STIMATE: variants seen among roughly 807,000 people sequenced by gnomAD.
STIMATE encodes store-operated calcium entry regulator STIMATE.
STIMATE carries 15 observed loss-of-function variants against 36.7 expected under a neutral mutation model. The ratio of observed to expected loss-of-function variants is 0.41; its 90% confidence interval spans 0.27 to 0.63. STIMATE has a LOEUF of 0.63. STIMATE is among the 20% of genes least tolerant of loss of function. The pLI is 0.32. For missense variants in STIMATE, 305 were observed against 397.3 expected, an observed-to-expected ratio of 0.77 and a Z score of 1.98; for synonymous variants, 163 against 162.3, an observed-to-expected ratio of 1.00 and a Z score of -0.03.
chr3:52,882,419 G>A (rs1345610401), intron 1 of STIMATE, among the ~76,000 whole-genome samples: 2 of 152,228 alleles, frequency 1.3e-5, no homozygotes, highest in Non-Finnish European at 2.9e-5. Flanking sequence ...GATGGCTGGG[G>A]TCCATCATGG....
intron 1 of STIMATE, among the ~76,000 whole-genome samples, chr3:52,860,173 T>C (rs1002549932): frequency 6.6e-6 from 1 of 150,838 alleles, no homozygotes; most frequent in South Asian, 2.1e-4. Flanking sequence ...TCATATGTTA[T>C]TGAGGGGCCT....
At chr3:52,872,511 C>T (rs761418488) in intron 1 of STIMATE, among the ~76,000 whole-genome samples, 6 of 152,258 alleles carry the variant, frequency 3.9e-5, no homozygotes, top group Non-Finnish European at 7.3e-5. Flanking sequence ...GTACGCAAGA[C>T]TGTCAGAGGC....
intron 1 of STIMATE, among the ~76,000 whole-genome samples, chr3:52,871,568 G>C (rs1005130043): frequency 9.9e-5 from 15 of 152,248 alleles, no homozygotes; most frequent in African/African-American, 3.6e-4. Flanking sequence ...GAGGCTCAGA[G>C]CAGAAGCCTC....
At chr3:52,865,165 T>G (rs1467236732) in intron 1 of STIMATE, among the ~76,000 whole-genome samples, 5 of 152,216 alleles carry the variant, frequency 3.3e-5, no homozygotes, top group Non-Finnish European at 7.3e-5. Flanking sequence ...CAGGCTGGTC[T>G]TGAACTCCTG....
chr3:52,853,150 G>C (rs532813955), intron 2 of STIMATE, among the ~76,000 whole-genome samples: 2 of 152,226 alleles, frequency 1.3e-5, no homozygotes, highest in East Asian at 3.9e-4. Context: ...ATCAGGGTAG[G>C]CAAATTTTTT....
intron 7 of STIMATE, among the ~76,000 whole-genome samples, chr3:52,842,274 G>C (rs1020740338): frequency 3.3e-5 from 5 of 152,194 alleles, no homozygotes; most frequent in African/African-American, 1.2e-4. Context: ...CTGGCCTCAG[G>C]GCTGCTATTC....
At chr3:52,843,948 C>T (rs1348383928) in intron 5 of STIMATE, 150 bp from the exon 6 acceptor site, 1 of 1,008,688 alleles carries the variant, frequency 9.9e-7, no homozygotes, top group Admixed American at 2.7e-5. Flanking sequence ...GCCTAGGGTT[C>T]CCAGATGAGA....
intron 2 of STIMATE, among the ~76,000 whole-genome samples, chr3:52,854,725 C>A (rs1301278326): frequency 6.6e-6 from 1 of 152,144 alleles, no homozygotes; most frequent in Non-Finnish European, 1.5e-5. Flanking sequence ...AATGTGGATA[C>A]CCTGAGGACC....
intron 1 of STIMATE, among the ~76,000 whole-genome samples, chr3:52,887,267 C>A (rs1350169505): frequency 6.6e-6 from 1 of 152,220 alleles, no homozygotes; most frequent in Non-Finnish European, 1.5e-5. Flanking sequence ...ATAATCCCAG[C>A]CTCCTTCCAC....
chr3:52,864,102 C>T (rs1226930384), intron 1 of STIMATE, among the ~76,000 whole-genome samples: 1 of 152,240 alleles, frequency 6.6e-6, no homozygotes, highest in South Asian at 2.1e-4. Context: ...GGCGGTACCC[C>T]AGTGGGGACT....
chr3:52,858,576 C>T (rs1162975273), intron 1 of STIMATE, among the ~76,000 whole-genome samples: 4 of 152,092 alleles, frequency 2.6e-5, no homozygotes, highest in Non-Finnish European at 5.9e-5. Flanking sequence ...AGTGAGCTAT[C>T]GCATCACTGC....
chr3:52,853,415 T>C (rs1701043388), intron 2 of STIMATE, among the ~76,000 whole-genome samples: 1 of 152,222 alleles, frequency 6.6e-6, no homozygotes. Context: ...GGAGACAGCG[T>C]GTGCCTTCAG....
chr3:52,890,676 T>C (rs544304796), intron 1 of STIMATE, among the ~76,000 whole-genome samples: 3 of 152,380 alleles, frequency 2.0e-5, no homozygotes, highest in Non-Finnish European at 4.4e-5. Flanking sequence ...CAACTGCTTC[T>C]ATGCATACAC....
chr3:52,858,515 T>A (rs1243940931), intron 1 of STIMATE, among the ~76,000 whole-genome samples: 1 of 152,042 alleles, frequency 6.6e-6, no homozygotes, highest in Non-Finnish European at 1.5e-5. Context: ...TCCTAGCTAC[T>A]CGGGGAGGCT....
chr3:52,844,975 G>A, intron 4 of STIMATE, 34 bp from the exon 5 acceptor site: 1 of 1,607,364 alleles, frequency 6.2e-7, no homozygotes, highest in Non-Finnish European at 8.5e-7. Context: ...GTCACATGGG[G>A]CCCAGGCATC....
At chr3:52,865,433 G>A (rs1701289268) in intron 1 of STIMATE, among the ~76,000 whole-genome samples, 1 of 151,884 alleles carries the variant, frequency 6.6e-6, no homozygotes, top group Admixed American at 6.5e-5. Flanking sequence ...ATCCAAGACT[G>A]GGAAGAAAAA....
At chr3:52,878,062 C>T (rs1211464706) in intron 1 of STIMATE, among the ~76,000 whole-genome samples, 1 of 150,958 alleles carries the variant, frequency 6.6e-6, no homozygotes, top group Non-Finnish European at 1.5e-5. Context: ...CCACTGCACT[C>T]CAGCCTGGGC....
chr3:52,897,477 G>A lies in STIMATE; in HGVS notation c.-27C>T. ...ACAGGCCTCGCGGGAGGGGCGCGAG[G>A]GCCCAGGGCCCGCCCGGCCTCGCTG... On this transcript the variant is annotated 5_prime_UTR_variant, in exon 1 of 8. Coordinates refer to ENST00000355083, the MANE Select transcript of STIMATE (RefSeq NM_198563.5). The A allele has an allele frequency of 2.4e-6, 3 of 1,226,040 alleles. No individual in the cohort carries two copies. The highest frequency in any genetic ancestry group is 3.0e-6 in the Non-Finnish European group (3 of 985,066). 75.9% of individuals were successfully genotyped at this position (1,226,040 alleles called of 1,614,324 possible). A position where few individuals can be genotyped will look rare whatever the true frequency, so the allele number is the denominator to read the frequency against.
At chr3:52,873,570 CTG>C (rs1292111805) in intron 1 of STIMATE, among the ~76,000 whole-genome samples, 1 of 152,188 alleles carries the variant, frequency 6.6e-6, no homozygotes, top group African/African-American at 2.4e-5. Flanking sequence ...AGTGAACTAA[CTG>C]AGCCTTCTGG....
Sources: gnomAD v4.1 joint callset for allele counts (sites outside exome capture counted in the v4.1 genomes callset) on GRCh38, gnomAD v4.1.1 for gene constraint, MANE v1.5 for transcripts, NCBI Gene and HGNC (gene_info 2026-07-23, HGNC 2026-07-21) for gene names.